The following SLC4A8 variants were observed in gnomAD, a reference collection of about 807,000 sequenced individuals.
The protein encoded by SLC4A8 is electroneutral sodium bicarbonate exchanger 1.
Under a neutral mutation model 125.0 loss-of-function variants are expected in SLC4A8, and 40 were observed. That is an observed-to-expected ratio of 0.32 (90% CI 0.25 to 0.42). The LOEUF is 0.42. SLC4A8 is among the 10% of genes least tolerant of loss of function. The pLI, the probability that SLC4A8 is intolerant of heterozygous loss-of-function variation, is 1.00. For synonymous variants in SLC4A8, 456 were observed against 476.0 expected, an observed-to-expected ratio of 0.96 and a Z score of 0.55; for missense variants, 863 against 1,355.1, an observed-to-expected ratio of 0.64 and a Z score of 5.70.
At chr12:51,427,433 C>T (rs1393780355) in intron 1 of SLC4A8, among the ~76,000 whole-genome samples, 1 of 151,946 alleles carries the variant, frequency 6.6e-6, no homozygotes. Context: ...GAAAATATCT[C>T]CTTTATATCT....
intron 2 of SLC4A8, among the ~76,000 whole-genome samples, chr12:51,442,912 T>G (rs1331614975): frequency 6.6e-6 from 1 of 152,124 alleles, no homozygotes; most frequent in Non-Finnish European, 1.5e-5. Context: ...ACGAGTACCA[T>G]TTTGATGGAA....
Position 51,461,248 on chromosome 12 carries a change from A to T in SLC4A8, c.1058A>T (p.Tyr353Phe). Reference protein sequence around the residue: ...LLGPVGKGQQYHEIGRSMATI... With the variant: ...LLGPVGKGQQFHEIGRSMATI... ...GGTCCAGTAGGGAAAGGTCAGCAGT[A>T]CCATGAGATTGGCAGATCCATGGCC... Residue 353 changes from tyrosine (Y) to phenylalanine (F), a missense_variant, in exon 9 of 25, where the codon TAC becomes TTC. Coordinates refer to ENST00000453097, the MANE Select transcript of SLC4A8 (RefSeq NM_001039960.3). 1 of 1,613,294 alleles carries T rather than the reference A, an allele frequency of 6.2e-7. No individual in the cohort carries two copies. The highest frequency in any genetic ancestry group is 8.5e-7 in the Non-Finnish European group (1 of 1,179,330).
chr12:51,428,196 C>T (rs1949062947), intron 1 of SLC4A8, among the ~76,000 whole-genome samples: 1 of 152,182 alleles, frequency 6.6e-6, no homozygotes, highest in South Asian at 2.1e-4. Context: ...TTTCTCTGAA[C>T]CTTCATCCCA....
chr12:51,428,477 G>A (rs932867245), intron 1 of SLC4A8, among the ~76,000 whole-genome samples: 2 of 152,172 alleles, frequency 1.3e-5, no homozygotes, highest in African/African-American at 2.4e-5. Context: ...AGTGACAGAT[G>A]GCCATTACTT....
intron 3 of SLC4A8, among the ~76,000 whole-genome samples, 183 bp from the exon 4 acceptor site, chr12:51,451,941 T>G (rs1356993778): frequency 2.6e-5 from 4 of 152,326 alleles, no homozygotes; most frequent in African/African-American, 9.6e-5. Context: ...TCTTCATTCA[T>G]AAATTTTTCC....
At chr12:51,427,185 G>A (rs1003933695) in intron 1 of SLC4A8, among the ~76,000 whole-genome samples, 1 of 151,990 alleles carries the variant, frequency 6.6e-6, no homozygotes, top group Non-Finnish European at 1.5e-5. Context: ...TGATCTGCCC[G>A]CCTCGGCCTC....
chr12:51,507,517 T>G lies in SLC4A8; in HGVS notation c.*79T>G. 9.3e-7 allele frequency: 1 copy of G among 1,076,276 alleles called. No individual in the cohort carries two copies. The allele number at this position is 1,076,276 out of a possible 1,614,324, so 66.7% of individuals were successfully genotyped here. On this transcript the variant is annotated 3_prime_UTR_variant, in exon 25 of 25. Transcript: ENST00000453097. The stretch of plus-strand genomic sequence containing the variant: ...GGTTACAGAGAAAATGGCGAGTCTC[T>G]CAGAGAAGAAGCAAGACCAAGTCTG...
At chr12:51,433,851 GTTT>G (rs869249897) in intron 1 of SLC4A8, among the ~76,000 whole-genome samples, 3 of 65,296 alleles carry the variant, frequency 4.6e-5, no homozygotes, top group South Asian at 5.7e-4. Flanking sequence ...CACACCATCT[GTTT>G]TTTTTTTTTT....
intron 1 of SLC4A8, among the ~76,000 whole-genome samples, chr12:51,414,442 C>T (rs191294173): frequency 3.0e-4 from 45 of 152,214 alleles, no homozygotes; most frequent in African/African-American, 1.0e-3. Flanking sequence ...CTGGCTAGGA[C>T]GTACAGTATT....
chr12:51,497,678 G>A (rs1951500214), intron 22 of SLC4A8: 1 of 152,436 alleles, frequency 6.6e-6, no homozygotes, highest in African/African-American at 2.4e-5. Context: ...GAGCTGGGAA[G>A]TGTTTCCAAA....
At chr12:51,468,566 T>A (rs1041194458) in intron 11 of SLC4A8, among the ~76,000 whole-genome samples, 1 of 152,176 alleles carries the variant, frequency 6.6e-6, no homozygotes, top group African/African-American at 2.4e-5. Context: ...GAGACCATCC[T>A]GGCTAACACG....
At chr12:51,416,645 A>T (rs1948692702) in intron 1 of SLC4A8, among the ~76,000 whole-genome samples, 1 of 152,146 alleles carries the variant, frequency 6.6e-6, no homozygotes, top group Non-Finnish European at 1.5e-5. Context: ...TCTGTCTCAA[A>T]ACAAAACAAA....
chr12:51,436,297 C>A (rs1000975593), intron 1 of SLC4A8, among the ~76,000 whole-genome samples: 1 of 152,120 alleles, frequency 6.6e-6, no homozygotes, highest in Non-Finnish European at 1.5e-5. Flanking sequence ...AGTTTCAGAT[C>A]TTTTAAAATT....
At chr12:51,499,097 C>G (rs1286070990) in intron 22 of SLC4A8, among the ~76,000 whole-genome samples, 2 of 152,154 alleles carry the variant, frequency 1.3e-5, no homozygotes, top group South Asian at 2.1e-4. Flanking sequence ...AGGAGAATCA[C>G]TTGAACCCGG....
intron 1 of SLC4A8, among the ~76,000 whole-genome samples, chr12:51,410,796 T>C (rs936538883): frequency 3.9e-5 from 6 of 152,030 alleles, no homozygotes; most frequent in Non-Finnish European, 8.8e-5. Context: ...CTTAAAAAAC[T>C]TTCTTGTCCC....
intron 11 of SLC4A8, among the ~76,000 whole-genome samples, chr12:51,468,555 C>T (rs780002386): frequency 7.9e-4 from 120 of 152,234 alleles, no homozygotes; most frequent in Non-Finnish European, 1.4e-3. Flanking sequence ...GTCAGGAGGT[C>T]GAGACCATCC....
At chr12:51,455,253 C>T (rs1950105029) in intron 5 of SLC4A8, among the ~76,000 whole-genome samples, 1 of 150,232 alleles carries the variant, frequency 6.7e-6, no homozygotes, top group African/African-American at 2.5e-5. Context: ...CTTTTCCCCA[C>T]AGTGAGACCC....
In SLC4A8 at chr12:51,493,780, A is replaced by G; in HGVS notation, c.2769+8A>G. ...TCACTACAGGGAATTCAGGTATTGT[A>G]TGGTTCAGCCAGGGCAGTTTCTTCT... On this transcript the variant is annotated splice_region_variant and intron_variant, in intron 20 of 24. Coordinates refer to ENST00000453097, the MANE Select transcript of SLC4A8 (RefSeq NM_001039960.3). 3 of 1,582,116 alleles carry G rather than the reference A, an allele frequency of 1.9e-6. No homozygotes were observed. Among genetic ancestry groups the G allele is most frequent in the African/African-American group, 1.3e-5 (1 of 74,354 alleles).
At chr12:51,459,864 G>A in intron 7 of SLC4A8, 87 bp from the exon 8 acceptor site, 1 of 1,208,012 alleles carries the variant, frequency 8.3e-7, no homozygotes, top group South Asian at 1.4e-5. Flanking sequence ...GTGAGACTCT[G>A]TCTCAAAAAA....
Sources: allele counts gnomAD v4.1 joint callset (sites outside exome capture counted in the v4.1 genomes callset), GRCh38; gene constraint gnomAD v4.1.1; transcripts MANE v1.5; gene names NCBI Gene and HGNC (gene_info 2026-07-23, HGNC 2026-07-21).